KCNK2: variants seen among roughly 807,000 people sequenced by gnomAD.
KCNK2 encodes the protein potassium channel subfamily K member 2.
KCNK2 carries 21 observed loss-of-function variants against 40.5 expected under a neutral mutation model. That is an observed-to-expected ratio of 0.52 (90% confidence interval 0.37 to 0.75). KCNK2 has a LOEUF of 0.75. Among genes scored for constraint, KCNK2 ranks in the 30% least tolerant of loss-of-function variants. The pLI, the probability that KCNK2 is intolerant of heterozygous loss-of-function variation, is 0.00. For missense variants in KCNK2, 399 were observed against 531.6 expected, an observed-to-expected ratio of 0.75 and a Z score of 2.45; for synonymous variants, 191 against 202.2, an observed-to-expected ratio of 0.94 and a Z score of 0.47.
At chr1:215,060,230 G>A (rs1413215672) in intron 1 of KCNK2, among the ~76,000 whole-genome samples, 1 of 152,146 alleles carries the variant, frequency 6.6e-6, no homozygotes, top group African/African-American at 2.4e-5. Context: ...CAACTAAACA[G>A]AGAAAAATGA....
At chr1:215,106,875 G>A (rs1319688905) in intron 2 of KCNK2, among the ~76,000 whole-genome samples, 3 of 151,950 alleles carry the variant, frequency 2.0e-5, no homozygotes, top group Non-Finnish European at 4.4e-5. Flanking sequence ...TGTTGACTTT[G>A]TTGAAGATAA....
chr1:215,116,365 A>G (rs141989543), intron 2 of KCNK2, among the ~76,000 whole-genome samples: 58 of 152,194 alleles, frequency 3.8e-4, no homozygotes, highest in African/African-American at 1.3e-3. Flanking sequence ...ATGTCCAATA[A>G]TATGTATATT....
At chr1:215,231,145 G>A (rs1367601434) in intron 6 of KCNK2, among the ~76,000 whole-genome samples, 1 of 152,122 alleles carries the variant, frequency 6.6e-6, no homozygotes, top group Non-Finnish European at 1.5e-5. Flanking sequence ...TTCATTCTTT[G>A]TCCAACTTAT....
upstream of KCNK2, among the ~76,000 whole-genome samples, chr1:215,081,546 A>G (rs1028054477): frequency 6.6e-6 from 1 of 152,130 alleles, no homozygotes; most frequent in East Asian, 1.9e-4. Flanking sequence ...TTGCATTTTT[A>G]TCATTGACGG....
At chr1:215,036,436 C>T (rs964451933) in intron 1 of KCNK2, among the ~76,000 whole-genome samples, 2 of 151,532 alleles carry the variant, frequency 1.3e-5, no homozygotes, top group Non-Finnish European at 3.0e-5. Context: ...TCTTAACATT[C>T]GCTTCATAAA....
chr1:215,069,480 G>A (rs962245933), intron 1 of KCNK2, among the ~76,000 whole-genome samples: 1 of 152,112 alleles, frequency 6.6e-6, no homozygotes, highest in Non-Finnish European at 1.5e-5. Flanking sequence ...AGGATAATTG[G>A]CCTCCTCCTT....
intron 1 of KCNK2, among the ~76,000 whole-genome samples, chr1:215,061,121 A>G (rs1399508839): frequency 1.3e-5 from 2 of 152,166 alleles, no homozygotes; most frequent in Admixed American, 6.5e-5. Flanking sequence ...CCTATTAGAA[A>G]TACTTTTGTG....
intron 3 of KCNK2, among the ~76,000 whole-genome samples, chr1:215,154,780 GT>G (rs1216482296): frequency 6.6e-6 from 1 of 152,086 alleles, no homozygotes; most frequent in African/African-American, 2.4e-5. Flanking sequence ...AAGGGGTCCA[GT>G]TTCAGTTTTC....
At chr1:215,157,549 T>A (rs1455683933) in intron 3 of KCNK2, among the ~76,000 whole-genome samples, 3 of 152,242 alleles carry the variant, frequency 2.0e-5, no homozygotes, top group Non-Finnish European at 4.4e-5. Flanking sequence ...TGCCATAAAC[T>A]GAAAGCTTTA....
chr1:215,193,434 CTT>C (rs34175490), intron 5 of KCNK2, among the ~76,000 whole-genome samples: 192 of 148,286 alleles, frequency 1.3e-3, no homozygotes, highest in South Asian at 1.9e-3. Flanking sequence ...GTTTTAATTA[CTT>C]TTTTTTTTTT....
intron 1 of KCNK2, among the ~76,000 whole-genome samples, chr1:215,039,205 A>G (rs201171494): frequency 6.6e-6 from 1 of 152,156 alleles, no homozygotes; most frequent in Non-Finnish European, 1.5e-5. Context: ...AGAGAGTGCC[A>G]TTTGGTGTCC....
chr1:215,227,409 G>A (rs1666426272), intron 6 of KCNK2, among the ~76,000 whole-genome samples: 1 of 152,136 alleles, frequency 6.6e-6, no homozygotes, highest in Non-Finnish European at 1.5e-5. Flanking sequence ...GGTAATGAAT[G>A]AACAAAGGCA....
chr1:215,079,500 G>T (rs545705409), upstream of KCNK2, among the ~76,000 whole-genome samples: 1 of 152,290 alleles, frequency 6.6e-6, no homozygotes, highest in East Asian at 1.9e-4. Flanking sequence ...GCTAGTTACT[G>T]CAGATATTAA....
In KCNK2 at chr1:215,051,733, G is replaced by A. The variant is rs74535701; in HGVS notation, c.35-34635G>A. Among the ~76,000 whole-genome samples, 522 of 152,250 alleles carry A rather than the reference G, an allele frequency of 3.4e-3. 2 individuals are homozygous for A. The highest frequency in any genetic ancestry group is 0.012 in the African/African-American group (493 of 41,556). ...CATGTTTGGGAATAAAAGAAGATCC[G>A]TATATGGCTAGAGTGAAGTGTGTGG... On this transcript the variant is annotated intron_variant, in intron 1 of 6. Transcript: ENST00000391895.
At chr1:215,209,453 T>TAA (rs1665504544) in intron 6 of KCNK2, among the ~76,000 whole-genome samples, 4 of 11,900 alleles carry the variant, frequency 3.4e-4, no homozygotes, top group African/African-American at 1.3e-3. Flanking sequence ...ATAATATATA[T>TAA]TATATATTAT....
chr1:215,217,561 T>G (rs1666010079), intron 6 of KCNK2, among the ~76,000 whole-genome samples: 1 of 152,122 alleles, frequency 6.6e-6, no homozygotes, highest in East Asian at 1.9e-4. Context: ...CATCTCTAAC[T>G]TGCACTGACA....
chr1:215,158,894 C>A (rs1230073316), intron 3 of KCNK2, among the ~76,000 whole-genome samples: 1 of 152,042 alleles, frequency 6.6e-6, no homozygotes, highest in Non-Finnish European at 1.5e-5. Context: ...GCTGACTTGG[C>A]AAGTCCTTCA....
chr1:215,173,922 C>T (rs1429838309), intron 5 of KCNK2, among the ~76,000 whole-genome samples: 5 of 152,096 alleles, frequency 3.3e-5, no homozygotes, highest in African/African-American at 1.2e-4. Flanking sequence ...CTGTAGGTTG[C>T]CTGTTCACTC....
chr1:215,058,808 C>T (rs904602958), intron 1 of KCNK2, among the ~76,000 whole-genome samples: 1 of 152,038 alleles, frequency 6.6e-6, no homozygotes, highest in African/African-American at 2.4e-5. Context: ...TGTTCTTTTC[C>T]CCTTTAGGGC....
Sources: allele counts gnomAD v4.1 joint callset (sites outside exome capture counted in the v4.1 genomes callset), GRCh38; gene constraint gnomAD v4.1.1; transcripts MANE v1.5; gene names NCBI Gene and HGNC (gene_info 2026-07-23, HGNC 2026-07-21).